The following PBRM1 variants were observed in gnomAD, a reference collection of about 807,000 sequenced individuals.
PBRM1 encodes polybromo 1.
PBRM1 carries 27 observed loss-of-function variants against 194.5 expected under a neutral mutation model. The observed-to-expected ratio is 0.14, with a 90% CI of 0.10 to 0.19. PBRM1 has a LOEUF of 0.19. PBRM1 is among the 10% of genes least tolerant of loss of function. PBRM1 has a pLI of 1.00. For missense variants in PBRM1, 1,466 were observed against 2,077.2 expected, an observed-to-expected ratio of 0.71 and a Z score of 5.72; for synonymous variants, 655 against 693.2, an observed-to-expected ratio of 0.94 and a Z score of 0.87.
chr3:52,610,334 T>C (rs1001898872), intron 15 of PBRM1, among the ~76,000 whole-genome samples: 8 of 152,230 alleles, frequency 5.3e-5, no homozygotes, highest in African/African-American at 1.9e-4. Context: ...TTAATCTCAA[T>C]TGAAAGTATC....
At chr3:52,615,626 T>C (rs1248533223) in intron 14 of PBRM1, among the ~76,000 whole-genome samples, 170 bp from the exon 17 acceptor site, 1 of 152,182 alleles carries the variant, frequency 6.6e-6, no homozygotes, top group East Asian at 1.9e-4. Flanking sequence ...TGGGAGAGCC[T>C]AGGCCTTAAC....
At chr3:52,660,146 C>T (rs766772112) in intron 4 of PBRM1, among the ~76,000 whole-genome samples, 18 of 152,120 alleles carry the variant, frequency 1.2e-4, no homozygotes, top group Non-Finnish European at 2.1e-4. Flanking sequence ...GTACAAGACC[C>T]TCCCAATTTC....
At chr3:52,611,946 G>A (rs1024824793) in intron 15 of PBRM1, among the ~76,000 whole-genome samples, 1 of 152,032 alleles carries the variant, frequency 6.6e-6, no homozygotes, top group African/African-American at 2.4e-5. Context: ...AGAGAGAGCT[G>A]GAGGGGAGTT....
At chr3:52,644,423 T>G (rs2096226986) in intron 8 of PBRM1, among the ~76,000 whole-genome samples, 1 of 152,120 alleles carries the variant, frequency 6.6e-6, no homozygotes, top group Admixed American at 6.6e-5. Context: ...TCTCGCTCTG[T>G]TACCAGGCTG....
chr3:52,635,218 C>G (rs565132213), intron 10 of PBRM1, among the ~76,000 whole-genome samples: 2 of 151,994 alleles, frequency 1.3e-5, no homozygotes, highest in African/African-American at 4.8e-5. Flanking sequence ...TGAGCCACCA[C>G]GCCTGGCCCT....
intron 13 of PBRM1, among the ~76,000 whole-genome samples, chr3:52,623,238 C>T (rs960671335): frequency 1.3e-5 from 2 of 152,104 alleles, no homozygotes; most frequent in African/African-American, 2.4e-5. Flanking sequence ...CAATGTGCCA[C>T]CATCACACCT....
chr3:52,633,503 C>T (rs1294401672), intron 11 of PBRM1, among the ~76,000 whole-genome samples: 1 of 152,108 alleles, frequency 6.6e-6, no homozygotes, highest in Non-Finnish European at 1.5e-5. Flanking sequence ...TGAGACCCTG[C>T]TTTCATTTCT....
At chr3:52,563,078 A>G (rs2336144) in intron 24 of PBRM1, among the ~76,000 whole-genome samples, 3 of 132,094 alleles carry the variant, frequency 2.3e-5, no homozygotes, top group African/African-American at 7.5e-5. Context: ...TGGTATTAAT[A>G]TAAATTATTA....
At chr3:52,602,211 A>C (rs968163087) in intron 17 of PBRM1, among the ~76,000 whole-genome samples, 1 of 152,166 alleles carries the variant, frequency 6.6e-6, no homozygotes, top group African/African-American at 2.4e-5. Context: ...GGTTTTCAGC[A>C]TTATGTCTTC....
chr3:52,628,813 A>G, intron 12 of PBRM1, 81 bp downstream of exon 13: 3 of 1,283,200 alleles, frequency 2.3e-6, no homozygotes, highest in Non-Finnish European at 3.4e-6. Context: ...GGGATCACAC[A>G]TCTTACTAGA....
At chr3:52,612,022 G>T (rs552630934) in intron 15 of PBRM1, among the ~76,000 whole-genome samples, 1 of 151,944 alleles carries the variant, frequency 6.6e-6, no homozygotes, top group South Asian at 2.1e-4. Flanking sequence ...CACTTTGGGA[G>T]GCCGAGGCGG....
intron 2 of PBRM1, among the ~76,000 whole-genome samples, chr3:52,674,057 A>T (rs12637632): frequency 0.35 from 52,613 of 150,854 alleles, 9,889 homozygotes; most frequent in Admixed American, 0.46. Flanking sequence ...TCTCAAAAAA[A>T]AAATATATAT....
At chr3:52,642,664 T>C (rs553077245) in intron 9 of PBRM1, among the ~76,000 whole-genome samples, 52 of 151,450 alleles carry the variant, frequency 3.4e-4, no homozygotes, top group Non-Finnish European at 5.6e-4. Flanking sequence ...CTATTATGAA[T>C]TTAAAAAACC....
At chr3:52,587,450 G>T in exon 19 of PBRM1, 4 of 1,611,886 alleles carry the variant, frequency 2.5e-6, no homozygotes, top group Non-Finnish European at 3.4e-6. Flanking sequence ...AAATTTTCGT[G>T]TAGCCAGGTG....
intron 24 of PBRM1, among the ~76,000 whole-genome samples, 200 bp from the exon 27 acceptor site, chr3:52,562,168 A>T (rs1366000830): frequency 6.7e-6 from 1 of 148,746 alleles, no homozygotes; most frequent in East Asian, 2.0e-4. Context: ...AAAAAAAAAA[A>T]TACAAAAAAT....
At chr3:52,640,889 T>C (rs1560657070) in intron 10 of PBRM1, among the ~76,000 whole-genome samples, 1 of 151,924 alleles carries the variant, frequency 6.6e-6, no homozygotes, top group Non-Finnish European at 1.5e-5. Flanking sequence ...TCCACCCCCC[T>C]CAGCCTCCCA....
At chr3:52,646,140 A>G (rs2096283064) in intron 7 of PBRM1, among the ~76,000 whole-genome samples, 1 of 152,220 alleles carries the variant, frequency 6.6e-6, no homozygotes, top group Non-Finnish European at 1.5e-5. Flanking sequence ...AAAATGTCCT[A>G]TTAGGGACTA....
intron 15 of PBRM1, among the ~76,000 whole-genome samples, chr3:52,614,099 G>A (rs1056992767): frequency 1.3e-5 from 2 of 152,020 alleles, no homozygotes; most frequent in Admixed American, 6.6e-5. Context: ...TGGGCCAGGC[G>A]GGGTGGCTCA....
At chr3:52,567,817 T>G (rs1243345638) in intron 22 of PBRM1, among the ~76,000 whole-genome samples, 4 of 148,284 alleles carry the variant, frequency 2.7e-5, no homozygotes, top group Admixed American at 6.7e-5. Context: ...TTTTTTTTTT[T>G]TTTTTTTTTT....
Sources: gnomAD v4.1 joint callset for allele counts (sites outside exome capture counted in the v4.1 genomes callset) on GRCh38, gnomAD v4.1.1 for gene constraint, MANE v1.5 for transcripts, NCBI Gene and HGNC (gene_info 2026-07-23, HGNC 2026-07-21) for gene names.